The following PAK1 variants were observed in gnomAD, a reference collection of about 807,000 sequenced individuals.
The protein encoded by PAK1 is p21 (RAC1) activated kinase 1, also known as serine/threonine-protein kinase PAK 1.
Under a neutral mutation model 67.4 loss-of-function variants are expected in PAK1, and 29 were observed. The ratio of observed to expected loss-of-function variants is 0.43; its 90% CI spans 0.32 to 0.59. The LOEUF (loss-of-function observed/expected upper bound fraction) is 0.59, where lower values mean the gene tolerates loss of function less well. Among genes scored for constraint, PAK1 ranks in the 20% least tolerant of loss-of-function variants. The pLI is 0.07. For missense variants in PAK1, 337 were observed against 670.7 expected (o/e 0.50, Z 5.50); for synonymous variants, 223 against 237.4 (o/e 0.94, Z 0.56).
At chr11:77,428,056 G>A (rs1054369636) in intron 1 of PAK1, among the ~76,000 whole-genome samples, 1 of 152,188 alleles carries the variant, frequency 6.6e-6, no homozygotes, top group African/African-American at 2.4e-5. Flanking sequence ...AAATGAGGAC[G>A]AAAGGTACCT....
intron 1 of PAK1, among the ~76,000 whole-genome samples, chr11:77,416,705 G>A (rs1375421891): frequency 6.6e-6 from 1 of 152,202 alleles, no homozygotes; most frequent in Non-Finnish European, 1.5e-5. Flanking sequence ...TGTAATCCCA[G>A]CACTTTGGGA....
chr11:77,520,598 T>C, the PAK1 span, among the ~76,000 whole-genome samples: 3 of 152,064 alleles, frequency 2.0e-5, no homozygotes, highest in Non-Finnish European at 2.9e-5. Context: ...CCAACCAGTT[T>C]AAGGTTTGGG....
At chr11:77,413,750 A>G (rs1179772027) in intron 1 of PAK1, among the ~76,000 whole-genome samples, 1 of 152,018 alleles carries the variant, frequency 6.6e-6, no homozygotes, top group Non-Finnish European at 1.5e-5. Context: ...AGAAAGAAAG[A>G]ATTGGTCAAT....
chr11:77,406,403 G>C lies in PAK1; in HGVS notation c.-21-13862C>G, dbSNP rs111640348. ...TCTCCCTCAATAAGTGATAAGCTTT[G>C]TAAAGGAGCAACGATATGCTTTTGT... On this transcript the variant is annotated intron_variant, in intron 1 of 14. Transcript: ENST00000356341. Among the ~76,000 whole-genome samples, 401 of 152,304 alleles carry C rather than the reference G, an allele frequency of 2.6e-3. 1 individual carries two copies. The highest frequency in any genetic ancestry group is 9.1e-3 in the African/African-American group (379 of 41,570).
upstream of PAK1, among the ~76,000 whole-genome samples, chr11:77,478,144 G>C (rs1958080274): frequency 6.6e-6 from 1 of 152,152 alleles, no homozygotes; most frequent in African/African-American, 2.4e-5. Context: ...TTGGGATGTG[G>C]GAGGAAGCTA....
chr11:77,431,074 C>A (rs1387993062), intron 1 of PAK1, among the ~76,000 whole-genome samples: 1 of 152,106 alleles, frequency 6.6e-6, no homozygotes, highest in East Asian at 1.9e-4. Flanking sequence ...CCACCCCCAC[C>A]CCCACAAGCT....
intron 14 of PAK1, among the ~76,000 whole-genome samples, chr11:77,332,429 A>AG (rs1941856451): frequency 7.0e-6 from 1 of 142,376 alleles, no homozygotes; most frequent in Non-Finnish European, 1.5e-5. Context: ...GAAAGGAAGA[A>AG]GAAAGGAAAG....
intron 7 of PAK1, among the ~76,000 whole-genome samples, 184 bp downstream of exon 7, chr11:77,355,484 T>A (rs1483195343): frequency 6.6e-6 from 1 of 151,984 alleles, no homozygotes; most frequent in African/African-American, 2.4e-5. Flanking sequence ...CATCCTAACA[T>A]AGTATCCAAC....
At chr11:77,412,194 G>A (rs1270774867) in intron 1 of PAK1, 10 of 152,444 alleles carry the variant, frequency 6.6e-5, no homozygotes, top group Admixed American at 6.5e-4. Context: ...GTGAGCTCCA[G>A]AGTCAAGAAA....
intron 1 of PAK1, among the ~76,000 whole-genome samples, chr11:77,428,995 G>A (rs977776678): frequency 5.7e-5 from 8 of 140,324 alleles, no homozygotes; most frequent in Admixed American, 2.3e-4. Context: ...AGCAGCAATG[G>A]TCCAATAACA....
chr11:77,352,151 T>C (rs1315120091), intron 8 of PAK1, among the ~76,000 whole-genome samples: 1 of 152,074 alleles, frequency 6.6e-6, no homozygotes, highest in Non-Finnish European at 1.5e-5. Flanking sequence ...CTCAAAATAA[T>C]GGCCACTTTC....
chr11:77,414,779 A>C (rs1954856638), intron 1 of PAK1, among the ~76,000 whole-genome samples: 1 of 152,238 alleles, frequency 6.6e-6, no homozygotes, highest in Non-Finnish European at 1.5e-5. Context: ...GCAAAATGCA[A>C]AACTATAAAA....
chr11:77,393,373 C>T (rs1712127764), intron 1 of PAK1, among the ~76,000 whole-genome samples: 1 of 151,950 alleles, frequency 6.6e-6, no homozygotes, highest in Non-Finnish European at 1.5e-5. Context: ...TAGCTCACTG[C>T]AGCCTCAAAC....
upstream of PAK1, among the ~76,000 whole-genome samples, chr11:77,478,228 A>C (rs1334475111): frequency 6.6e-6 from 1 of 152,048 alleles, no homozygotes; most frequent in Non-Finnish European, 1.5e-5. Context: ...TTTTCTCATC[A>C]ACATTGTAAC....
intron 1 of PAK1, among the ~76,000 whole-genome samples, chr11:77,427,790 T>C (rs1279922137): frequency 2.6e-5 from 4 of 152,232 alleles, no homozygotes; most frequent in Admixed American, 6.5e-5. Context: ...TTTATGACTA[T>C]AGAGGTCAGA....
intron 1 of PAK1, among the ~76,000 whole-genome samples, chr11:77,439,421 G>C (rs1351837744): frequency 1.3e-5 from 2 of 152,138 alleles, no homozygotes; most frequent in Non-Finnish European, 2.9e-5. Flanking sequence ...GCTTCTAGAA[G>C]TACAGGGCTC....
At chr11:77,339,826 ATTTT>A (rs550020225) in intron 11 of PAK1, among the ~76,000 whole-genome samples, 1 of 144,056 alleles carries the variant, frequency 6.9e-6, no homozygotes, top group South Asian at 2.2e-4. Context: ...TGGTTTTGGT[ATTTT>A]TTTTTTTTTA....
At chr11:77,458,099 G>A (rs1177633570) in intron 1 of PAK1, among the ~76,000 whole-genome samples, 1 of 152,180 alleles carries the variant, frequency 6.6e-6, no homozygotes, top group East Asian at 1.9e-4. Context: ...GTTATGTGAG[G>A]ATAACTACTA....
chr11:77,348,224 G>A (rs1591817346), intron 9 of PAK1, among the ~76,000 whole-genome samples: 1 of 152,308 alleles, frequency 6.6e-6, no homozygotes, highest in South Asian at 2.1e-4. Flanking sequence ...CATTGGAAGA[G>A]GAGGTGCCTC....
Sources: gnomAD v4.1 joint callset for allele counts (sites outside exome capture counted in the v4.1 genomes callset) on GRCh38, gnomAD v4.1.1 for gene constraint, MANE v1.5 for transcripts, NCBI Gene and HGNC (gene_info 2026-07-23, HGNC 2026-07-21) for gene names.